CDH13: variants seen among roughly 807,000 people sequenced by gnomAD.
CDH13 encodes cadherin 13.
Under a neutral mutation model 63.8 loss-of-function variants are expected in CDH13, and 24 were observed. That is an observed-to-expected ratio of 0.38 (90% CI 0.27 to 0.53). CDH13 has a LOEUF of 0.53. Among genes scored for constraint, CDH13 ranks in the 20% least tolerant of loss-of-function variants. The probability of loss-of-function intolerance (pLI) is 0.85; values close to 1 mark genes in which losing one functional copy is unlikely to be tolerated. For missense variants in CDH13, 1,049 were observed against 903.1 expected, an observed-to-expected ratio of 1.16 and a Z score of -2.07; for synonymous variants, 503 against 355.3, an observed-to-expected ratio of 1.42 and a Z score of -4.67.
chr16:83,662,384 G>A (rs1303752538), intron 8 of CDH13, among the ~76,000 whole-genome samples: 2 of 152,174 alleles, frequency 1.3e-5, no homozygotes, highest in Non-Finnish European at 2.9e-5. Flanking sequence ...GCACAAAAGA[G>A]AAACACAAAA....
chr16:83,013,039 C>T (rs1020490194), intron 2 of CDH13, among the ~76,000 whole-genome samples: 2 of 152,186 alleles, frequency 1.3e-5, no homozygotes, highest in African/African-American at 2.4e-5. Context: ...CTTGCCTGAG[C>T]ACTTAGGTGG....
intron 10 of CDH13, among the ~76,000 whole-genome samples, chr16:83,711,478 G>C (rs1908039609): frequency 6.6e-6 from 1 of 152,116 alleles, no homozygotes; most frequent in South Asian, 2.1e-4. Context: ...TTGTTTGTTT[G>C]TTTGGTGTTT....
chr16:83,103,726 T>C (rs547727464), intron 3 of CDH13, among the ~76,000 whole-genome samples: 28 of 152,318 alleles, frequency 1.8e-4, no homozygotes, highest in Admixed American at 1.0e-3. Context: ...TCATCTGTAG[T>C]ATGGGATACA....
At chr16:83,056,864 G>A (rs7499487) in intron 3 of CDH13, among the ~76,000 whole-genome samples, 73,198 of 152,070 alleles carry the variant, frequency 0.48, 19,161 homozygotes, top group African/African-American at 0.7. Flanking sequence ...GCCTGCTGCC[G>A]TGTAGGATGT....
intron 2 of CDH13, among the ~76,000 whole-genome samples, chr16:82,913,052 A>G (rs575231151): frequency 6.6e-6 from 1 of 152,164 alleles, no homozygotes; most frequent in East Asian, 1.9e-4. Flanking sequence ...TGAGATTGGG[A>G]ATGGGATTGG....
At chr16:83,549,729 C>T (rs1210389708) in intron 7 of CDH13, among the ~76,000 whole-genome samples, 1 of 151,846 alleles carries the variant, frequency 6.6e-6, no homozygotes, top group Non-Finnish European at 1.5e-5. Flanking sequence ...ATTGAATTTC[C>T]AATAAGAGAA....
chr16:82,910,447 G>A (rs1331363829), intron 2 of CDH13, among the ~76,000 whole-genome samples: 1 of 152,090 alleles, frequency 6.6e-6, no homozygotes, highest in Non-Finnish European at 1.5e-5. Flanking sequence ...TGCATCTGTT[G>A]ACTTTAGATT....
intron 11 of CDH13, among the ~76,000 whole-genome samples, chr16:83,777,348 C>T (rs1915192190): frequency 6.6e-6 from 1 of 152,220 alleles, no homozygotes; most frequent in Non-Finnish European, 1.5e-5. Flanking sequence ...TCTGGAGGAG[C>T]AGCTCCACCA....
At chr16:82,696,779 A>G (rs1225791353) in intron 1 of CDH13, among the ~76,000 whole-genome samples, 1 of 152,200 alleles carries the variant, frequency 6.6e-6, no homozygotes, top group African/African-American at 2.4e-5. Flanking sequence ...AGCAAGTATT[A>G]TTACAGAAAC....
intron 6 of CDH13, among the ~76,000 whole-genome samples, chr16:83,429,333 C>G (rs1266220351): frequency 2.0e-5 from 3 of 152,126 alleles, no homozygotes; most frequent in Admixed American, 6.5e-5. Flanking sequence ...GTACAGGGGA[C>G]TTATGCAAAC....
At chr16:82,972,887 C>T (rs139430541) in intron 2 of CDH13, among the ~76,000 whole-genome samples, 3,336 of 152,260 alleles carry the variant, frequency 0.022, 55 homozygotes, top group Non-Finnish European at 0.034. Context: ...AACCAGGTCA[C>T]TCAGGCACAA....
At chr16:83,556,748 A>G (rs1734695676) in intron 7 of CDH13, among the ~76,000 whole-genome samples, 1 of 152,170 alleles carries the variant, frequency 6.6e-6, no homozygotes, top group Non-Finnish European at 1.5e-5. Flanking sequence ...TAACTTACCT[A>G]ACAGAGAGGT....
At chr16:83,341,989 C>CCCCACACACACA (rs767233245) in intron 5 of CDH13, among the ~76,000 whole-genome samples, 1,946 of 138,114 alleles carry the variant, frequency 0.014, 23 homozygotes, top group Middle Eastern at 0.023. Flanking sequence ...GTGTCCCCTG[C>CCCCACACACACA]CACACACACA....
intron 5 of CDH13, among the ~76,000 whole-genome samples, chr16:83,271,330 C>G (rs1296140129): frequency 6.8e-6 from 1 of 146,502 alleles, no homozygotes; most frequent in Non-Finnish European, 1.5e-5. Flanking sequence ...AGATCCCAGG[C>G]TGGACTTCTC....
chr16:83,743,959 A>G (rs564878468), intron 10 of CDH13, among the ~76,000 whole-genome samples: 1 of 151,924 alleles, frequency 6.6e-6, no homozygotes, highest in South Asian at 2.1e-4. Context: ...CTGGTGCTAC[A>G]TTCCAGCTCT....
chr16:83,369,211 T>A (rs2091316327), intron 6 of CDH13, among the ~76,000 whole-genome samples: 1 of 151,590 alleles, frequency 6.6e-6, no homozygotes. Context: ...AATGAAAAAA[T>A]AATAGATGCG....
intron 6 of CDH13, among the ~76,000 whole-genome samples, chr16:83,445,260 T>A (rs74032096): frequency 0.092 from 7,071 of 77,138 alleles, 516 homozygotes; most frequent in African/African-American, 0.13. Flanking sequence ...GCTTTTATAA[T>A]TTATAAAAGC....
At chr16:83,747,654 G>A (rs572242679) in intron 10 of CDH13, among the ~76,000 whole-genome samples, 2 of 151,090 alleles carry the variant, frequency 1.3e-5, no homozygotes, top group South Asian at 4.3e-4. Flanking sequence ...CATTCTCTGT[G>A]AGGTGCCCAA....
chr16:82,691,653 G>T (rs1310128110), intron 1 of CDH13, among the ~76,000 whole-genome samples: 1 of 152,170 alleles, frequency 6.6e-6, no homozygotes, highest in Non-Finnish European at 1.5e-5. Context: ...TTATAAGCCT[G>T]TTGTACTATT....
Sources: allele counts gnomAD v4.1 joint callset (sites outside exome capture counted in the v4.1 genomes callset), GRCh38; gene constraint gnomAD v4.1.1; transcripts MANE v1.5; gene names NCBI Gene and HGNC (gene_info 2026-07-23, HGNC 2026-07-21).